CDC42EP3: variants seen among roughly 807,000 people sequenced by gnomAD.
CDC42EP3 encodes the protein CDC42 effector protein (Rho GTPase binding) 3.
In CDC42EP3, 4 loss-of-function variants were observed where a neutral mutation model predicts 15.5. That is an observed-to-expected ratio of 0.26 (90% CI 0.13 to 0.59). The LOEUF (loss-of-function observed/expected upper bound fraction) is 0.59, where lower values mean the gene tolerates loss of function less well. CDC42EP3 is among the 20% of genes least tolerant of loss of function. The probability of loss-of-function intolerance (pLI) is 0.89; values close to 1 mark genes in which losing one functional copy is unlikely to be tolerated. For synonymous variants in CDC42EP3, 145 were observed against 130.3 expected (o/e 1.11, Z -0.77); for missense variants, 309 against 311.2 (o/e 0.99, Z 0.05).
At chr2:37,670,417 T>C (rs986872822) in intron 1 of CDC42EP3, among the ~76,000 whole-genome samples, 21 of 151,048 alleles carry the variant, frequency 1.4e-4, no homozygotes, top group Admixed American at 4.6e-4. Context: ...CTCCTCCAAA[T>C]ACGCCAGGGC....
chr2:37,668,755 G>C (rs993541500), intron 1 of CDC42EP3, among the ~76,000 whole-genome samples: 1 of 152,214 alleles, frequency 6.6e-6, no homozygotes, highest in African/African-American at 2.4e-5. Context: ...TCTTTCATTA[G>C]ATGATTGCTA....
intron 1 of CDC42EP3, among the ~76,000 whole-genome samples, chr2:37,669,012 A>G (rs1183681534): frequency 4.6e-5 from 7 of 152,154 alleles, no homozygotes; most frequent in Non-Finnish European, 1.0e-4. Context: ...TCATTCAATC[A>G]ATGAAAAGAA....
intron 1 of CDC42EP3, among the ~76,000 whole-genome samples, chr2:37,656,203 C>T (rs570917202): frequency 3.7e-4 from 56 of 152,284 alleles, no homozygotes; most frequent in African/African-American, 1.3e-3. Context: ...ATCTGGTAGT[C>T]GTCATTCTAC....
In CDC42EP3 at chr2:37,646,291, G is replaced by C. The variant is rs767169598; in HGVS notation, c.297C>G (p.Pro99=). 6.2e-7 allele frequency: 1 copy of C among 1,614,192 alleles called. No homozygotes were observed. Among genetic ancestry groups the C allele is most frequent in the African/African-American group, 1.3e-5 (1 of 75,054 alleles). Reference sequence around the variant, plus strand: ...AGATGGCATTTTTGAGCACCGGGGAGGGCGTTTCTGTGAACACAGAGTCCG... The same window carrying C: ...AGATGGCATTTTTGAGCACCGGGGACGGCGTTTCTGTGAACACAGAGTCCG... ...STSDSVFTET[P]SPVLKNAISL... Residue 99 remains proline (P), a synonymous_variant, in exon 2 of 2, where the codon CCC becomes CCG. Transcript: ENST00000295324.
At chr2:37,653,121 C>T (rs557843604) in intron 1 of CDC42EP3, among the ~76,000 whole-genome samples, 1 of 152,238 alleles carries the variant, frequency 6.6e-6, no homozygotes, top group South Asian at 2.1e-4. Flanking sequence ...CCTTTAAAAA[C>T]AAATGCTCTA....
intron 1 of CDC42EP3, among the ~76,000 whole-genome samples, chr2:37,652,174 C>CA (rs61407687): frequency 0.56 from 21,955 of 39,072 alleles, 7,990 homozygotes; most frequent in Non-Finnish European, 0.66. Context: ...GACTCCCTCT[C>CA]AAAAAAAAAA....
intron 1 of CDC42EP3, among the ~76,000 whole-genome samples, chr2:37,661,128 T>TGTGTGTATA (rs60268329): frequency 6.8e-5 from 10 of 147,904 alleles, no homozygotes; most frequent in Non-Finnish European, 1.5e-4. Flanking sequence ...TGTGTGTGTG[T>TGTGTGTATA]GCGTGTGTGT....
At chr2:37,671,313 C>T (rs1410052091) in intron 1 of CDC42EP3, 113 bp downstream of exon 1, 3 of 152,372 alleles carry the variant, frequency 2.0e-5, no homozygotes, top group East Asian at 3.8e-4. Context: ...TATCCCGACT[C>T]CCTGCTGGTT....
intron 1 of CDC42EP3, among the ~76,000 whole-genome samples, chr2:37,666,690 T>C (rs1358808107): frequency 6.6e-6 from 1 of 152,212 alleles, no homozygotes; most frequent in Non-Finnish European, 1.5e-5. Flanking sequence ...GCATCATGCT[T>C]TGTATTATAA....
chr2:37,655,496 C>CT, intron 1 of CDC42EP3, among the ~76,000 whole-genome samples: 1 of 152,264 alleles, frequency 6.6e-6, no homozygotes, highest in East Asian at 1.9e-4. Context: ...CCATTAGGAC[C>CT]TTTTTTCCTA....
chr2:37,648,247 C>T (rs1265898519), intron 1 of CDC42EP3, among the ~76,000 whole-genome samples: 2 of 152,222 alleles, frequency 1.3e-5, no homozygotes, highest in Non-Finnish European at 1.5e-5. Context: ...AATGGCTCTG[C>T]CATGACCTCT....
chr2:37,665,450 C>T (rs536762945), intron 1 of CDC42EP3, among the ~76,000 whole-genome samples: 17 of 152,176 alleles, frequency 1.1e-4, no homozygotes, highest in African/African-American at 3.9e-4. Flanking sequence ...CTGAACTGAC[C>T]CTTGGCAAAA....
At chr2:37,660,195 A>T (rs1666011633) in intron 1 of CDC42EP3, among the ~76,000 whole-genome samples, 1 of 152,164 alleles carries the variant, frequency 6.6e-6, no homozygotes, top group Non-Finnish European at 1.5e-5. Context: ...CAAAATAAAC[A>T]CTTCTATTTT....
intron 1 of CDC42EP3, among the ~76,000 whole-genome samples, chr2:37,657,268 T>C (rs113046573): frequency 0.024 from 3,604 of 152,228 alleles, 105 homozygotes; most frequent in African/African-American, 0.068. Context: ...CTGCTCCAGA[T>C]GCACTTCCTT....
intron 1 of CDC42EP3, among the ~76,000 whole-genome samples, chr2:37,668,332 A>C (rs1203247066): frequency 2.6e-5 from 4 of 152,230 alleles, no homozygotes; most frequent in Admixed American, 6.5e-5. Flanking sequence ...CAAAAGCAAC[A>C]TTGAAAACCT....
At position 37,657,001 on chromosome 2, in the gene CDC42EP3, C is replaced by CCCG. The variant is rs1553317250; in HGVS notation, c.-235-10182_-235-10180dup. On this transcript the variant is annotated intron_variant, in intron 1 of 1. Transcript: ENST00000295324. Reference sequence around the variant, plus strand: ...AAAGCCCCCCCCCCACCCCCCGCCCCCCGCCATCCTCGAGGAGAAAAACAA... The same window carrying CCCG: ...AAAGCCCCCCCCCCACCCCCCGCCCCCCGCCGCCATCCTCGAGGAGAAAAACAA... Among the ~76,000 whole-genome samples, 789 of 103,056 alleles carry CCCG rather than the reference C, an allele frequency of 7.7e-3. 12 individuals are homozygous for CCCG. The highest frequency in any genetic ancestry group is 0.025 in the East Asian group (46 of 1,872). The allele number at this position is 103,056 out of a possible 152,430, so 67.6% of individuals were successfully genotyped here.
At chr2:37,656,792 G>A (rs111896831) in intron 1 of CDC42EP3, among the ~76,000 whole-genome samples, 2 of 152,160 alleles carry the variant, frequency 1.3e-5, no homozygotes, top group East Asian at 1.9e-4. Context: ...AGCGCAACAC[G>A]GATGAGAGGT....
chr2:37,662,902 C>G (rs1666111980), intron 1 of CDC42EP3, among the ~76,000 whole-genome samples: 1 of 152,214 alleles, frequency 6.6e-6, no homozygotes, highest in African/African-American at 2.4e-5. Flanking sequence ...CGGTGGCTCA[C>G]ACCTGTGATC....
chr2:37,646,005 G>T lies in CDC42EP3; in HGVS notation c.583C>A (p.Gln195Lys). The change falls in exon 2 of 2, where the codon CAG (glutamine) becomes AAG (lysine). Residue 195 changes from glutamine to lysine, a missense_variant. By Grantham distance (53) the Gln-to-Lys change is moderately conservative. Transcript: ENST00000295324. ...TCCTCGGCTGGCCAGTCGGGGTACT[G>T]TTCGGACAGGCTGGAGGAGTGGCTG... ...RDSHSSSLSE[Q>K]YPDWPAEDMF... 6.2e-7 allele frequency: 1 copy of T among 1,613,980 alleles called. No individual in the cohort carries two copies. The highest frequency in any genetic ancestry group is 8.5e-7 in the Non-Finnish European group (1 of 1,179,920).
Sources: allele counts gnomAD v4.1 joint callset (sites outside exome capture counted in the v4.1 genomes callset), GRCh38; gene constraint gnomAD v4.1.1; transcripts MANE v1.5; gene names NCBI Gene and HGNC (gene_info 2026-07-23, HGNC 2026-07-21).